The following CSPP1 variants were observed in gnomAD, a reference collection of about 807,000 sequenced individuals.
The protein encoded by CSPP1 is centrosome and spindle pole associated protein 1.
A neutral mutation model predicts 164.4 loss-of-function variants in CSPP1; 126 were observed. The observed-to-expected ratio is 0.77, with a 90% confidence interval of 0.66 to 0.89. The LOEUF is 0.89. Among genes scored for constraint, CSPP1 ranks in the 40% least tolerant of loss-of-function variants. The probability of loss-of-function intolerance (pLI) is 0.00; values close to 1 mark genes in which losing one functional copy is unlikely to be tolerated. For missense variants in CSPP1, 1,395 were observed against 1,449.8 expected (o/e 0.96, Z 0.61); for synonymous variants, 472 against 476.7 (o/e 0.99, Z 0.13).
intron 3 of CSPP1, among the ~76,000 whole-genome samples, chr8:67,078,905 G>T (rs1025317588): frequency 6.6e-6 from 1 of 151,996 alleles, no homozygotes; most frequent in Non-Finnish European, 1.5e-5. Flanking sequence ...CCTAGGAGGC[G>T]GAGGTTGCAG....
intron 16 of CSPP1, chr8:67,134,551 CTTT>C (rs35436646): frequency 1.1e-4 from 11 of 104,716 alleles, no homozygotes; most frequent in South Asian, 6.5e-4. Context: ...TTAGCATCAT[CTTT>C]TTTTTTTTTT....
chr8:67,192,584 CTTAA>C lies in CSPP1; in HGVS notation c.3331-875_3331-872del, dbSNP rs529803671. The stretch of plus-strand genomic sequence containing the variant: ...TCACTCTTTCTTGGGCTTTTGGTGT[CTTAA>C]TTAAGAAACCATTGCCAACCACAAG... On this transcript the variant is annotated intron_variant, in intron 29 of 30. Coordinates refer to ENST00000678616, the MANE Select transcript of CSPP1 (RefSeq NM_001382391.1). Among the ~76,000 whole-genome samples the C allele has an allele frequency of 1.3e-3, 195 of 152,128 alleles. 5 individuals are homozygous for C. The South Asian group carries it at 0.038, about 30-fold the overall frequency.
chr8:67,159,101 C>T lies in CSPP1; in HGVS notation c.2502C>T (p.Tyr834=). The T allele has an allele frequency of 5.6e-6, 9 of 1,605,884 alleles. No homozygotes were observed. The highest frequency in any genetic ancestry group is 7.6e-6 in the Non-Finnish European group (9 of 1,178,140). ...EEKYNLQLQH[Y]CERDNLIGEE... ...AATATAACCTGCAACTTCAGCACTA[C>T]TGTGAAAGAGACAATTTGATTGGGG... Residue 834 remains tyrosine, a synonymous_variant, in exon 21 of 31, where the codon TAC becomes TAT. Coordinates refer to ENST00000678616, the MANE Select transcript of CSPP1 (RefSeq NM_001382391.1).
chr8:67,076,707 G>A (rs773531977), intron 3 of CSPP1, 126 bp downstream of exon 3: 59 of 525,474 alleles, frequency 1.1e-4, no homozygotes, highest in Admixed American at 8.8e-4. Flanking sequence ...GGAATCTTAC[G>A]TAAGTCAATA....
intron 29 of CSPP1, 89 bp from the exon 30 acceptor site, chr8:67,193,375 G>GTGAT (rs1836956542): frequency 8.4e-7 from 1 of 1,193,396 alleles, no homozygotes; most frequent in Non-Finnish European, 1.2e-6. Context: ...GGGATCACAG[G>GTGAT]TGATAGGCAC....
At chr8:67,101,895 A>G (rs576634866) in intron 7 of CSPP1, among the ~76,000 whole-genome samples, 3 of 152,222 alleles carry the variant, frequency 2.0e-5, no homozygotes, top group African/African-American at 7.2e-5. Context: ...ATAGTTGGGT[A>G]ACTCAACAGC....
chr8:67,139,044 G>A (rs574738697), intron 17 of CSPP1, among the ~76,000 whole-genome samples: 98 of 152,274 alleles, frequency 6.4e-4, no homozygotes, highest in African/African-American at 2.2e-3. Flanking sequence ...TTATTAAATA[G>A]GGAATCCTTT....
intron 8 of CSPP1, among the ~76,000 whole-genome samples, chr8:67,103,831 C>A (rs939186159): frequency 7.7e-6 from 1 of 130,518 alleles, no homozygotes; most frequent in Non-Finnish European, 1.6e-5. Context: ...CAGAGCAAGA[C>A]TCCCTCTCAA....
At chr8:67,070,772 G>A (rs1359973426) in intron 1 of CSPP1, among the ~76,000 whole-genome samples, 2 of 149,928 alleles carry the variant, frequency 1.3e-5, no homozygotes, top group Non-Finnish European at 3.0e-5. Flanking sequence ...TTTTGAGATG[G>A]GGTCTTGCTC....
At chr8:67,121,125 T>A (rs2129551902) in intron 15 of CSPP1, among the ~76,000 whole-genome samples, 1 of 152,264 alleles carries the variant, frequency 6.6e-6, no homozygotes, top group African/African-American at 2.4e-5. Context: ...AGTCCTGGGA[T>A]TACAGGTGTG....
chr8:67,103,839 C>CAA (rs757419585), intron 8 of CSPP1, among the ~76,000 whole-genome samples: 95 of 59,196 alleles, frequency 1.6e-3, no homozygotes, highest in Non-Finnish European at 2.1e-3. Context: ...GACTCCCTCT[C>CAA]AAAAAAAAAA....
chr8:67,175,617 G>A (rs766403684), intron 26 of CSPP1, 181 bp downstream of exon 26: 2 of 728,518 alleles, frequency 2.7e-6, no homozygotes, highest in Non-Finnish European at 2.5e-6. Flanking sequence ...GCTCTGAGTG[G>A]CTCCACTAGG....
chr8:67,194,791 A>C (rs1207154472), intron 30 of CSPP1, among the ~76,000 whole-genome samples: 1 of 152,174 alleles, frequency 6.6e-6, no homozygotes, highest in East Asian at 1.9e-4. Flanking sequence ...AGTTGCGTAC[A>C]ATCAATCAGA....
intron 30 of CSPP1, 69 bp from the exon 31 acceptor site, chr8:67,195,313 G>A (rs2129576601): frequency 1.1e-6 from 1 of 919,002 alleles, no homozygotes; most frequent in Admixed American, 1.7e-5. Context: ...TGGACTACAA[G>A]AGACCTGCGC....
At position 67,064,407 on chromosome 8, in the gene CSPP1, C is replaced by T. The variant is rs1023702149; in HGVS notation, c.-142C>T. On this transcript the variant is annotated 5_prime_UTR_variant, in exon 1 of 31. Coordinates refer to ENST00000678616, the MANE Select transcript of CSPP1 (RefSeq NM_001382391.1). ...CGGCCCGGAGGTCTGTCATGCTGTT[C>T]CCGCTCCAGGTGGCCGCTGTAACCT... The T allele has an allele frequency of 2.5e-6, 4 of 1,613,534 alleles. No homozygotes were observed. Among genetic ancestry groups the T allele is most frequent in the Non-Finnish European group, 3.4e-6 (4 of 1,179,874 alleles).
intron 22 of CSPP1, 77 bp downstream of exon 22, chr8:67,161,992 C>A: frequency 1.0e-6 from 1 of 988,876 alleles, no homozygotes; most frequent in South Asian, 1.5e-5. Flanking sequence ...TTTTCTTTTT[C>A]ATTATATTTG....
rs1477078769 is a variant in CSPP1, at chr8:67,095,363, C to G, written c.554C>G (p.Ser185Cys). ...GATCTAACTTCACAAATACAGACAT[C>G]TTGTGAAAATTCAGAGGGTCCTAGA... is the stretch of plus-strand genomic sequence containing the variant. ...KPDLTSQIQT[S>C]CENSEGPRKD... Residue 185 changes from serine to cysteine, a missense_variant, in exon 7 of 31, where the codon TCT (serine) becomes TGT (cysteine). Transcript: ENST00000678616. 3.1e-6 allele frequency: 5 copies of G among 1,607,402 alleles called. No homozygotes were observed. The highest frequency in any genetic ancestry group is 4.2e-6 in the Non-Finnish European group (5 of 1,178,136).
intron 28 of CSPP1, among the ~76,000 whole-genome samples, chr8:67,180,941 C>G (rs979455300): frequency 6.6e-6 from 1 of 151,788 alleles, no homozygotes; most frequent in Non-Finnish European, 1.5e-5. Flanking sequence ...AGGGAATGAT[C>G]TAGTCTACAT....
At chr8:67,130,492 A>ATTTTACAC (rs1821009067) in intron 15 of CSPP1, among the ~76,000 whole-genome samples, 2 of 152,226 alleles carry the variant, frequency 1.3e-5, no homozygotes, top group African/African-American at 4.8e-5. Flanking sequence ...CCTTGCTCTG[A>ATTTTACAC]AAAAATACAG....
Sources: allele counts gnomAD v4.1 joint callset (sites outside exome capture counted in the v4.1 genomes callset), GRCh38; gene constraint gnomAD v4.1.1; transcripts MANE v1.5; gene names NCBI Gene and HGNC (gene_info 2026-07-23, HGNC 2026-07-21).